STT3A: variants seen among roughly 807,000 people sequenced by gnomAD.
STT3A encodes the protein dolichyl-diphosphooligosaccharide--protein glycosyltransferase subunit STT3A.
STT3A carries 34 observed loss-of-function variants against 89.2 expected under a neutral mutation model. The observed-to-expected ratio is 0.38, with a 90% CI of 0.29 to 0.51. The LOEUF is 0.51. STT3A is among the 20% of genes least tolerant of loss of function. STT3A has a pLI of 0.89. For synonymous variants in STT3A, 282 were observed against 310.3 expected, an observed-to-expected ratio of 0.91 and a Z score of 0.96; for missense variants, 555 against 889.5, an observed-to-expected ratio of 0.62 and a Z score of 4.78.
In STT3A at chr11:125,618,500, G is replaced by A. The variant is rs750914360; in HGVS notation, c.1902G>A (p.Leu634=). The A allele has an allele frequency of 3.7e-6, 6 of 1,614,000 alleles. No homozygotes were observed. Among genetic ancestry groups the A allele is most frequent in the Non-Finnish European group, 4.2e-6 (5 of 1,179,996 alleles). The change falls in exon 16 of 18, where the codon CTG becomes CTA. Residue 634 remains leucine, a synonymous_variant. Coordinates refer to ENST00000392708, the MANE Select transcript of STT3A (RefSeq NM_152713.5). ...FRVDREGSPV[L]LNCLMYKMCY... ...TGGACCGTGAAGGTTCTCCAGTGCT[G>A]CTCAACTGCCTCATGTACAAGATGT...
chr11:125,606,238 A>G, intron 7 of STT3A, 63 bp from the exon 8 acceptor site: 1 of 1,455,004 alleles, frequency 6.9e-7, no homozygotes, highest in Non-Finnish European at 9.5e-7. Context: ...ATATCCTACA[A>G]TATAGTGGTG....
chr11:125,605,332 A>C (rs1939800095), intron 6 of STT3A, among the ~76,000 whole-genome samples: 1 of 152,238 alleles, frequency 6.6e-6, no homozygotes, highest in South Asian at 2.1e-4. Context: ...TACTAGCAGG[A>C]TGTTTAGTGC....
upstream of STT3A, chr11:125,592,715 A>G (rs191165114): frequency 1.6e-4 from 47 of 295,526 alleles, no homozygotes; most frequent in East Asian, 4.4e-3. Context: ...TGACCAATTA[A>G]AAACTTGAAT....
chr11:125,598,229 A>C (rs1180719986), intron 3 of STT3A, among the ~76,000 whole-genome samples: 1 of 151,982 alleles, frequency 6.6e-6, no homozygotes, highest in African/African-American at 2.4e-5. Context: ...AAAGAAAAAG[A>C]AAAAAGAAAT....
intron 17 of STT3A, among the ~76,000 whole-genome samples, 153 bp downstream of exon 17, chr11:125,620,279 TATTTTA>T (rs1940311239): frequency 6.6e-6 from 1 of 152,206 alleles, no homozygotes; most frequent in Non-Finnish European, 1.5e-5. Context: ...AAATTTTACT[TATTTTA>T]GATTGTTCTT....
intron 3 of STT3A, among the ~76,000 whole-genome samples, chr11:125,598,664 G>A (rs1939573710): frequency 6.6e-6 from 1 of 152,138 alleles, no homozygotes; most frequent in African/African-American, 2.4e-5. Context: ...AAGTGCAGTG[G>A]AGTGATCACG....
At chr11:125,596,922 A>T in intron 2 of STT3A, 137 bp from the exon 3 acceptor site, 1 of 938,182 alleles carries the variant, frequency 1.1e-6, no homozygotes, top group South Asian at 1.7e-5. Flanking sequence ...GGAAAGATGG[A>T]TAAAGACTTT....
chr11:125,600,111 C>T (rs944636406), intron 3 of STT3A, among the ~76,000 whole-genome samples: 1 of 150,328 alleles, frequency 6.7e-6, no homozygotes, highest in African/African-American at 2.4e-5. Flanking sequence ...AGTGCAATGG[C>T]ACAATCTCAG....
chr11:125,608,067 T>G, intron 8 of STT3A, 42 bp from the exon 9 acceptor site: 1 of 1,536,512 alleles, frequency 6.5e-7, no homozygotes, highest in East Asian at 2.3e-5. Flanking sequence ...ACTTACTCAT[T>G]TTTTTTCCTT....
intron 7 of STT3A, 155 bp from the exon 8 acceptor site, chr11:125,606,146 A>AT: frequency 1.5e-6 from 1 of 672,640 alleles, no homozygotes; most frequent in Non-Finnish European, 2.4e-6. Flanking sequence ...TAAAAAAAAA[A>AT]ATCAGTTATT....
At chr11:125,605,469 ACTT>A (rs1482209348) in intron 6 of STT3A, among the ~76,000 whole-genome samples, 157 bp from the exon 7 acceptor site, 4 of 152,238 alleles carry the variant, frequency 2.6e-5, no homozygotes, top group Non-Finnish European at 5.9e-5. Context: ...AGATACTATT[ACTT>A]CTTCTTACAT....
intron 10 of STT3A, chr11:125,610,773 T>A (rs1175695335): frequency 6.6e-6 from 1 of 151,762 alleles, no homozygotes; most frequent in Non-Finnish European, 1.5e-5. Flanking sequence ...TACACACATA[T>A]AAAATAAATA....
intron 11 of STT3A, among the ~76,000 whole-genome samples, chr11:125,611,863 ATTTTTTTT>A (rs59685125): frequency 5.4e-4 from 31 of 56,972 alleles, no homozygotes; most frequent in East Asian, 6.1e-4. Context: ...AGGGATTTGA[ATTTTTTTT>A]TTTTTTTTTT....
chr11:125,602,801 A>G lies in STT3A; in HGVS notation c.272-2A>G. The stretch of plus-strand genomic sequence containing the variant: ...TAATGGAGTTTCTTCTTCCTGTTAC[A>G]GGTTTAATGATCACCTCTGCTGCAA... On this transcript the variant is annotated splice_acceptor_variant, in intron 4 of 17. Transcript: ENST00000392708. LOFTEE classifies it high-confidence loss of function. 1 of 1,614,114 alleles carries G rather than the reference A, an allele frequency of 6.2e-7. No individual in the cohort carries two copies. The highest frequency in any genetic ancestry group is 8.5e-7 in the Non-Finnish European group (1 of 1,180,000).
chr11:125,612,663 C>T lies in STT3A; in HGVS notation c.1281C>T (p.Ser427=), dbSNP rs541306472. Residue 427 remains serine, a synonymous_variant, in exon 12 of 18, where the codon TCC becomes TCT. Coordinates refer to ENST00000392708, the MANE Select transcript of STT3A (RefSeq NM_152713.5). ...GCATTGGAGTCTCCCAGGTGCTGTCCACATACATGAAGAATCTGGACATAA... is the reference window on the plus strand; with the variant it reads ...GCATTGGAGTCTCCCAGGTGCTGTCTACATACATGAAGAATCTGGACATAA... ...LSGIGVSQVL[S]TYMKNLDISR... 1.4e-5 allele frequency: 23 copies of T among 1,614,050 alleles called. No individual in the cohort carries two copies. In the African/African-American group the frequency reaches 2.1e-4, roughly 15 times the overall value.
chr11:125,609,696 G>T, intron 10 of STT3A, 107 bp downstream of exon 10: 2 of 1,450,650 alleles, frequency 1.4e-6, no homozygotes, highest in Non-Finnish European at 1.9e-6. Context: ...GCCTGTTTAT[G>T]TTGTGTAATA....
At chr11:125,611,243 C>T in intron 10 of STT3A, 185 bp from the exon 11 acceptor site, 1 of 484,186 alleles carries the variant, frequency 2.1e-6, no homozygotes, top group Non-Finnish European at 3.7e-6. Flanking sequence ...TTTTTTGCTA[C>T]TTTAAAGTGT....
intron 3 of STT3A, among the ~76,000 whole-genome samples, chr11:125,598,583 T>G (rs1939570157): frequency 6.6e-6 from 1 of 152,172 alleles, no homozygotes; most frequent in African/African-American, 2.4e-5. Flanking sequence ...TTTTTTCTCA[T>G]GAATGAGGAG....
intron 12 of STT3A, 48 bp downstream of exon 12, chr11:125,612,795 G>T (rs754013957): frequency 2.5e-6 from 4 of 1,591,240 alleles, no homozygotes; most frequent in Non-Finnish European, 3.4e-6. Flanking sequence ...GTGTGTGTGT[G>T]TGTATGTGTG....
Sources: allele counts gnomAD v4.1 joint callset (sites outside exome capture counted in the v4.1 genomes callset), GRCh38; gene constraint gnomAD v4.1.1; transcripts MANE v1.5; gene names NCBI Gene and HGNC (gene_info 2026-07-23, HGNC 2026-07-21).